The following KIAA1671 variants were observed in gnomAD, a reference collection of about 807,000 sequenced individuals.
KIAA1671 encodes uncharacterized protein KIAA1671.
KIAA1671 carries 52 observed loss-of-function variants against 131.2 expected under a neutral mutation model. The observed-to-expected ratio is 0.40, with a 90% CI of 0.32 to 0.50. The LOEUF is 0.50. KIAA1671 is among the 20% of genes least tolerant of loss of function. KIAA1671 has a pLI of 0.73. For synonymous variants in KIAA1671, 1,003 were observed against 961.6 expected, an observed-to-expected ratio of 1.04 and a Z score of -0.80; for missense variants, 2,360 against 2,364.2, an observed-to-expected ratio of 1.00 and a Z score of 0.04.
intron 5 of KIAA1671, chr22:25,048,853 G>C (rs1282686712): frequency 5.8e-6 from 1 of 171,962 alleles, no homozygotes; most frequent in African/African-American, 2.4e-5. Flanking sequence ...GCTAGGGTAA[G>C]CCAAGCCAGG....
intron 6 of KIAA1671, among the ~76,000 whole-genome samples, chr22:25,164,013 C>T (rs1933554063): frequency 6.6e-6 from 1 of 152,184 alleles, no homozygotes. Flanking sequence ...TACCCTGTCT[C>T]CCCAAAGCTG....
chr22:25,061,335 A>G (rs899301170), intron 6 of KIAA1671: 1 of 152,134 alleles, frequency 6.6e-6, no homozygotes, highest in East Asian at 1.9e-4. Context: ...ACCTTCTCCA[A>G]GAAGCCCTCC....
Position 25,003,601 on chromosome 22 carries a change from A to G in KIAA1671, c.-207-22032A>G, listed in dbSNP as rs534182351. Among the ~76,000 whole-genome samples the G allele has an allele frequency of 2.1e-4, 32 of 151,664 alleles. No individual in the cohort carries two copies. In the South Asian group the frequency reaches 6.3e-3, roughly 30 times the overall value. On this transcript the variant is annotated intron_variant, in intron 1 of 12. Transcript: ENST00000358431. ...TAATTTTTTTGTATTTTTAGTAGAG[A>G]CGGGGTTTCACTGTGTTAGCCAGGA... is the stretch of plus-strand genomic sequence containing the variant.
Position 25,040,406 on chromosome 22 carries a change from A to G in KIAA1671, c.3276A>G (p.Arg1092=). The change falls in exon 5 of 13, where the codon CGA becomes CGG. Residue 1092 remains arginine (R), a synonymous_variant. Coordinates refer to ENST00000358431, the MANE Select transcript of KIAA1671 (RefSeq NM_001145206.2). ...GCAGTAAAAACTGGATGAAGGGACG[A>G]GAGCATGAAAATGCAAGCATTTTAA... The part of the protein sequence containing the change: ...MAGSKNWMKG[R]EHENASILKT... 1 of 1,552,024 alleles carries G rather than the reference A, an allele frequency of 6.4e-7. No individual in the cohort carries two copies. Among genetic ancestry groups the G allele is most frequent in the Non-Finnish European group, 8.7e-7 (1 of 1,147,060 alleles).
At chr22:25,162,045 T>A (rs1210141524) in intron 6 of KIAA1671, among the ~76,000 whole-genome samples, 1 of 152,214 alleles carries the variant, frequency 6.6e-6, no homozygotes, top group Non-Finnish European at 1.5e-5. Flanking sequence ...CCAAACCATG[T>A]GACCTTGGGC....
chr22:25,108,604 TG>T (rs1180946513), intron 6 of KIAA1671, among the ~76,000 whole-genome samples: 1 of 152,134 alleles, frequency 6.6e-6, no homozygotes, highest in Non-Finnish European at 1.5e-5. Flanking sequence ...CCTAGCCCTG[TG>T]TATGTTTCCT....
At chr22:24,990,680 C>A (rs1923790075) in intron 1 of KIAA1671, among the ~76,000 whole-genome samples, 1 of 152,264 alleles carries the variant, frequency 6.6e-6, no homozygotes, top group African/African-American at 2.4e-5. Context: ...TGCTCACGTC[C>A]TGGCCTTGCC....
At chr22:25,175,680 G>T (rs968126636) in intron 8 of KIAA1671, 4 of 152,168 alleles carry the variant, frequency 2.6e-5, no homozygotes, top group African/African-American at 9.7e-5. Context: ...ACGCTAAGTG[G>T]TTCCTTCTTG....
At chr22:25,118,233 G>T (rs1296560973) in intron 6 of KIAA1671, among the ~76,000 whole-genome samples, 1 of 151,598 alleles carries the variant, frequency 6.6e-6, no homozygotes, top group African/African-American at 2.4e-5. Flanking sequence ...GCTTCTGGTG[G>T]TTCCAGGCAT....
At chr22:25,187,270 C>T (rs1352016107) in intron 11 of KIAA1671, among the ~76,000 whole-genome samples, 2 of 152,138 alleles carry the variant, frequency 1.3e-5, no homozygotes, top group Non-Finnish European at 2.9e-5. Context: ...GTAGAAAATA[C>T]AAAAAGAATA....
chr22:24,989,013 GC>G (rs768221379), intron 1 of KIAA1671, among the ~76,000 whole-genome samples: 55 of 152,314 alleles, frequency 3.6e-4, no homozygotes, highest in Admixed American at 5.9e-4. Context: ...TGTACTTTGT[GC>G]TGGTGTTGAA....
At chr22:25,009,487 A>G (rs997347961) in intron 1 of KIAA1671, among the ~76,000 whole-genome samples, 1 of 143,570 alleles carries the variant, frequency 7.0e-6, no homozygotes, top group Non-Finnish European at 1.5e-5. Flanking sequence ...CTGGTCTCGA[A>G]CTCCTGACCT....
intron 6 of KIAA1671, among the ~76,000 whole-genome samples, chr22:25,134,565 G>A (rs1385144582): frequency 6.6e-6 from 1 of 152,178 alleles, no homozygotes; most frequent in African/African-American, 2.4e-5. Context: ...GACTTACACA[G>A]ACCTAAGTAG....
chr22:25,180,330 G>A (rs184615723), intron 9 of KIAA1671, among the ~76,000 whole-genome samples: 117 of 152,332 alleles, frequency 7.7e-4, no homozygotes, highest in Non-Finnish European at 1.2e-3. Context: ...CACGAGGTCA[G>A]AAGATTGAGA....
intron 1 of KIAA1671, among the ~76,000 whole-genome samples, chr22:25,020,057 A>C (rs1925578058): frequency 6.6e-6 from 1 of 152,180 alleles, no homozygotes; most frequent in African/African-American, 2.4e-5. Flanking sequence ...TCCAGAGGAT[A>C]CATTTTTAAA....
intron 1 of KIAA1671, among the ~76,000 whole-genome samples, chr22:25,007,095 C>G (rs1289166100): frequency 6.6e-6 from 1 of 152,086 alleles, no homozygotes; most frequent in Non-Finnish European, 1.5e-5. Context: ...GCCTCCAGCA[C>G]CAGACCATGC....
chr22:25,028,508 G>A lies in KIAA1671; in HGVS notation c.509G>A (p.Gly170Asp), dbSNP rs1926088271. The change falls in exon 3 of 13, where the codon GGT becomes GAT. Residue 170 changes from glycine (G) to aspartate (D), a missense_variant. Physicochemically the swap from Gly to Asp is moderately conservative, Grantham distance 94. Coordinates refer to ENST00000358431, the MANE Select transcript of KIAA1671 (RefSeq NM_001145206.2). ...VSEGAEEAKL[G>D]VSGSRPEVAA... ...GAGGGGGCGGAGGAGGCCAAGCTAG[G>A]TGTGTCCGGCTCCCGGCCTGAGGTG... 1.3e-6 allele frequency: 2 copies of A among 1,549,502 alleles called. No individual in the cohort carries two copies. The highest frequency in any genetic ancestry group is 4.9e-5 in the East Asian group (2 of 40,896).
At chr22:25,067,219 C>A (rs979956328) in intron 6 of KIAA1671, among the ~76,000 whole-genome samples, 1 of 152,206 alleles carries the variant, frequency 6.6e-6, no homozygotes, top group East Asian at 1.9e-4. Context: ...CCCACACCCC[C>A]CACCTGGTCC....
chr22:25,184,897 T>A, intron 10 of KIAA1671, 80 bp from the exon 11 acceptor site: 1 of 1,516,608 alleles, frequency 6.6e-7, no homozygotes, highest in South Asian at 1.2e-5. Flanking sequence ...AGAAGGCTCA[T>A]TGTACCTGAC....
Sources: allele counts gnomAD v4.1 joint callset (sites outside exome capture counted in the v4.1 genomes callset), GRCh38; gene constraint gnomAD v4.1.1; transcripts MANE v1.5; gene names NCBI Gene and HGNC (gene_info 2026-07-23, HGNC 2026-07-21).